Variants in RAB6B observed in about 807,000 individuals in gnomAD.
RAB6B encodes the protein ras-related protein Rab-6B.
Under a neutral mutation model 31.2 loss-of-function variants are expected in RAB6B, and 7 were observed. The ratio of observed to expected loss-of-function variants is 0.22; its 90% CI spans 0.13 to 0.42. The LOEUF is 0.42. Among genes scored for constraint, RAB6B ranks in the 10% least tolerant of loss-of-function variants. RAB6B has a pLI of 1.00. For synonymous variants in RAB6B, 105 were observed against 104.9 expected (o/e 1.00, Z -0.01); for missense variants, 149 against 280.6 (o/e 0.53, Z 3.35).
intron 1 of RAB6B, among the ~76,000 whole-genome samples, chr3:133,884,328 A>G (rs1415360040): frequency 6.6e-6 from 1 of 152,140 alleles, no homozygotes; most frequent in African/African-American, 2.4e-5. Context: ...GCACCAATTG[A>G]CCTGAACAGG....
chr3:133,891,686 G>A lies in RAB6B; in HGVS notation c.70+3711C>T, dbSNP rs78698466. On this transcript the variant is annotated intron_variant, in intron 1 of 7. Coordinates refer to ENST00000285208, the MANE Select transcript of RAB6B (RefSeq NM_016577.4). ...GGACAGGAGAGAGAAGGAGTGGGAC[G>A]GAAGGATACATGAACAAATGACTAA... Among the ~76,000 whole-genome samples the A allele has an allele frequency of 5.9e-4, 90 of 152,290 alleles. 1 individual carries two copies. The East Asian group carries it at 0.017, about 29-fold the overall frequency.
intron 1 of RAB6B, among the ~76,000 whole-genome samples, chr3:133,889,389 T>TTC (rs1936598737): frequency 4.2e-5 from 1 of 23,874 alleles, no homozygotes; most frequent in Non-Finnish European, 9.7e-5. Context: ...GTTATTTTGT[T>TTC]ATATATATAT....
At chr3:133,888,192 G>A (rs985021980) in intron 1 of RAB6B, among the ~76,000 whole-genome samples, 17 of 152,224 alleles carry the variant, frequency 1.1e-4, no homozygotes, top group Non-Finnish European at 1.5e-4. Flanking sequence ...AGTGACCTGG[G>A]TCTGAATTCT....
At chr3:133,865,560 G>A (rs1263037610) in intron 1 of RAB6B, among the ~76,000 whole-genome samples, 1 of 152,246 alleles carries the variant, frequency 6.6e-6, no homozygotes, top group African/African-American at 2.4e-5. Flanking sequence ...TGTCTGTACT[G>A]TCCTATCATG....
intron 6 of RAB6B, among the ~76,000 whole-genome samples, chr3:133,835,470 TTC>T (rs1935720943): frequency 9.0e-6 from 1 of 110,702 alleles, no homozygotes; most frequent in African/African-American, 4.3e-5. Context: ...CATGTGGGTT[TTC>T]TGTGTGTGTG....
At chr3:133,884,968 G>A (rs560090906) in intron 1 of RAB6B, among the ~76,000 whole-genome samples, 14 of 147,070 alleles carry the variant, frequency 9.5e-5, no homozygotes, top group African/African-American at 3.3e-4. Context: ...AGAGGACGGG[G>A]GACTCACACA....
At chr3:133,888,221 G>A (rs1936581191) in intron 1 of RAB6B, among the ~76,000 whole-genome samples, 1 of 152,250 alleles carries the variant, frequency 6.6e-6, no homozygotes, top group South Asian at 2.1e-4. Flanking sequence ...CACACTCACA[G>A]TGAGTCCTTG....
chr3:133,895,629 T>G lies in RAB6B; in HGVS notation c.-163A>C. 1.6e-6 allele frequency: 1 copy of G among 638,086 alleles called. No individual in the cohort carries two copies. Among genetic ancestry groups the G allele is most frequent in the Non-Finnish European group, 2.7e-6 (1 of 372,694 alleles). The allele number at this position is 638,086 out of a possible 1,614,324, so 39.5% of individuals were successfully genotyped here. A position where few individuals can be genotyped will look rare whatever the true frequency, so the allele number is the denominator to read the frequency against. On this transcript the variant is annotated 5_prime_UTR_variant, in exon 1 of 8. Coordinates refer to ENST00000285208, the MANE Select transcript of RAB6B (RefSeq NM_016577.4). ...CCCCAGCTGCGTCCCGGTCCCGGCC[T>G]GCGGCTGCGTGTCCGGCGGCGGAGG...
chr3:133,828,209 A>G lies in RAB6B; in HGVS notation c.*579T>C. ...CTGGCCATGGAAAGACAAGAGTCAG[A>G]GCTACCTTTTCAGAGGCTGATGTGT... On this transcript the variant is annotated 3_prime_UTR_variant, in exon 8 of 8. Transcript: ENST00000285208. 1.8e-6 allele frequency: 1 copy of G among 567,142 alleles called. No individual in the cohort carries two copies. The highest frequency in any genetic ancestry group is 3.1e-6 in the Non-Finnish European group (1 of 318,390). The allele number at this position is 567,142 out of a possible 1,614,324, so 35.1% of individuals were successfully genotyped here. A position where few individuals can be genotyped will look rare whatever the true frequency, so the allele number is the denominator to read the frequency against.
intron 2 of RAB6B, among the ~76,000 whole-genome samples, chr3:133,842,062 CCCT>C (rs2107991946): frequency 6.6e-6 from 1 of 152,356 alleles, no homozygotes; most frequent in African/African-American, 2.4e-5. Context: ...CTTCCCTCTG[CCCT>C]AAAGCATGGG....
chr3:133,868,699 GCAAGGAGATGCATTTCTCCTTTTTCAAC>G (rs1395378268), intron 1 of RAB6B, among the ~76,000 whole-genome samples: 1 of 152,186 alleles, frequency 6.6e-6, no homozygotes, highest in Non-Finnish European at 1.5e-5. Flanking sequence ...ACATGATTAA[GCAAGGAGATGCATTTCTCCTTTTTCAAC>G]CAAATGAGGG....
intron 2 of RAB6B, among the ~76,000 whole-genome samples, chr3:133,853,347 A>C (rs1475155626): frequency 6.6e-6 from 1 of 152,050 alleles, no homozygotes; most frequent in Non-Finnish European, 1.5e-5. Context: ...GGGGGTAGGG[A>C]GGGAGTCATT....
intron 2 of RAB6B, among the ~76,000 whole-genome samples, chr3:133,843,015 T>A (rs1189658004): frequency 6.6e-6 from 1 of 152,242 alleles, no homozygotes; most frequent in East Asian, 1.9e-4. Context: ...TGCAAAGGTA[T>A]GCACCAATGT....
chr3:133,857,560 C>T (rs1936099418), intron 2 of RAB6B, among the ~76,000 whole-genome samples: 1 of 152,084 alleles, frequency 6.6e-6, no homozygotes, highest in Non-Finnish European at 1.5e-5. Flanking sequence ...TGGGGACGTG[C>T]GGCATTTTAG....
chr3:133,854,626 C>G (rs572985727), intron 2 of RAB6B, among the ~76,000 whole-genome samples: 1 of 152,248 alleles, frequency 6.6e-6, no homozygotes, highest in African/African-American at 2.4e-5. Flanking sequence ...AATGGCAGGC[C>G]CTTCATTTTA....
intron 1 of RAB6B, among the ~76,000 whole-genome samples, chr3:133,875,096 T>A (rs149609145): frequency 5.9e-4 from 90 of 152,338 alleles, no homozygotes; most frequent in Admixed American, 3.2e-3. Context: ...AAGTATAGCA[T>A]AGGCAATACT....
intron 1 of RAB6B, among the ~76,000 whole-genome samples, chr3:133,878,885 C>T (rs1936430935): frequency 6.6e-6 from 1 of 152,210 alleles, no homozygotes; most frequent in Non-Finnish European, 1.5e-5. Flanking sequence ...TATGTTGAGA[C>T]AATTCACTGC....
At chr3:133,858,873 T>G (rs890396227) in intron 2 of RAB6B, among the ~76,000 whole-genome samples, 1 of 152,340 alleles carries the variant, frequency 6.6e-6, no homozygotes, top group Admixed American at 6.5e-5. Context: ...ACTGCATTTT[T>G]TTAACCTGGA....
At chr3:133,853,478 T>C (rs191336897) in intron 2 of RAB6B, among the ~76,000 whole-genome samples, 3 of 150,970 alleles carry the variant, frequency 2.0e-5, no homozygotes, top group Admixed American at 2.0e-4. Context: ...TGCCGGCAAA[T>C]CTAGAATGCC....
Sources: gnomAD v4.1 joint callset for allele counts (sites outside exome capture counted in the v4.1 genomes callset) on GRCh38, gnomAD v4.1.1 for gene constraint, MANE v1.5 for transcripts, NCBI Gene and HGNC (gene_info 2026-07-23, HGNC 2026-07-21) for gene names.